The following FAM47E variants were observed in gnomAD, a reference collection of about 807,000 sequenced individuals.
FAM47E encodes the protein protein FAM47E.
FAM47E carries 32 observed loss-of-function variants against 41.6 expected under a neutral mutation model. That is an observed-to-expected ratio of 0.77 (90% CI 0.58 to 1.03). FAM47E has a LOEUF of 1.03. Ranked by LOEUF, FAM47E falls within the 50% of genes least tolerant of loss-of-function variation. The pLI is 0.00. For missense variants in FAM47E, 424 were observed against 485.4 expected, an observed-to-expected ratio of 0.87 and a Z score of 1.19; for synonymous variants, 184 against 188.7, an observed-to-expected ratio of 0.98 and a Z score of 0.20.
chr4:76,234,100 G>A (rs1178249756), intron 2 of FAM47E, among the ~76,000 whole-genome samples: 1 of 152,186 alleles, frequency 6.6e-6, no homozygotes, highest in Non-Finnish European at 1.5e-5. Context: ...GCGGCACCTT[G>A]GGCCATGTGT....
At chr4:76,273,708 T>A (rs1230825092) in intron 5 of FAM47E, among the ~76,000 whole-genome samples, 1 of 152,116 alleles carries the variant, frequency 6.6e-6, no homozygotes, top group Non-Finnish European at 1.5e-5. Flanking sequence ...TTCAAACTTT[T>A]TTTTTGTTGT....
intron 2 of FAM47E, among the ~76,000 whole-genome samples, chr4:76,222,153 ACT>A (rs1733320488): frequency 1.3e-5 from 2 of 152,148 alleles, no homozygotes; most frequent in African/African-American, 4.8e-5. Flanking sequence ...GGTACAAAAT[ACT>A]ACTTTTAAAT....
chr4:76,254,585 A>G (rs2110003329), intron 1 of FAM47E, among the ~76,000 whole-genome samples: 1 of 152,278 alleles, frequency 6.6e-6, no homozygotes, highest in East Asian at 1.9e-4. Flanking sequence ...TCTATGCAAC[A>G]AGTAAGAAGT....
chr4:76,243,509 T>C (rs1034850394), intron 2 of FAM47E, among the ~76,000 whole-genome samples: 5 of 152,212 alleles, frequency 3.3e-5, no homozygotes, highest in African/African-American at 1.2e-4. Context: ...ATTCTTTGAA[T>C]TGTATCTCAT....
In FAM47E at chr4:76,256,222, T is replaced by C; in HGVS notation, c.119T>C (p.Leu40Pro). 1 of 1,551,710 alleles carries C rather than the reference T, an allele frequency of 6.4e-7. No individual in the cohort carries two copies. Among genetic ancestry groups the C allele is most frequent in the Non-Finnish European group, 8.7e-7 (1 of 1,147,006 alleles). The change falls in exon 2 of 8, where the codon CTG becomes CCG. Residue 40 changes from leucine to proline, a missense_variant. By Grantham distance (98) the Leu-to-Pro change is moderately conservative (BLOSUM62 -3). Transcript: ENST00000424749. ...HKNGLKFPTS[L>P]HSRQLVFPRK... ...AACGGGCTGAAGTTCCCCACCTCTC[T>C]GCACAGCCGGCAGTTGGTATTTCCA...
Position 76,271,697 on chromosome 4 carries a change from G to C in FAM47E, c.799G>C (p.Gly267Arg). The change falls in exon 5 of 8, where the codon GGG (glycine) becomes CGG (arginine). Residue 267 changes from glycine to arginine, a missense_variant. Transcript: ENST00000424749. The part of the protein sequence containing the change: ...QVPLELKRSV[G>R]LSKLQETEFF... ...TCCTCTGGAGCTAAAGCGTAGTGTG[G>C]GGCTCAGTAAACTGCAGGAGACAGA... 2 of 1,551,824 alleles carry C rather than the reference G, an allele frequency of 1.3e-6. No homozygotes were observed. Among genetic ancestry groups the C allele is most frequent in the Non-Finnish European group, 1.7e-6 (2 of 1,147,010 alleles).
chr4:76,243,602 C>A (rs976355850), intron 2 of FAM47E, among the ~76,000 whole-genome samples: 3 of 152,204 alleles, frequency 2.0e-5, no homozygotes, highest in Non-Finnish European at 2.9e-5. Context: ...TCATGGCACT[C>A]CACTATCAAT....
intron 2 of FAM47E, among the ~76,000 whole-genome samples, chr4:76,244,204 G>A (rs1019870886): frequency 1.9e-4 from 29 of 152,072 alleles, no homozygotes; most frequent in African/African-American, 6.3e-4. Context: ...ATAAACATAC[G>A]TGTGCATGTG....
intron 2 of FAM47E, among the ~76,000 whole-genome samples, chr4:76,262,101 T>C (rs1734442625): frequency 6.6e-6 from 1 of 152,126 alleles, no homozygotes; most frequent in South Asian, 2.1e-4. Context: ...GGAATGGATT[T>C]CCCTATACCC....
chr4:76,251,838 G>A lies in FAM47E; in HGVS notation c.74+18G>A, dbSNP rs1418044050. On this transcript the variant is annotated intron_variant, in intron 1 of 7. Transcript: ENST00000424749. The stretch of plus-strand genomic sequence containing the variant: ...AGGTCCAGGTAAACACTCAGCGCCC[G>A]GGCCGAGGGCGCATCCCACGCGGGC... 1 of 1,409,422 alleles carries A rather than the reference G, an allele frequency of 7.1e-7. No individual in the cohort carries two copies. The highest frequency in any genetic ancestry group is 3.1e-5 in the Admixed American group (1 of 32,060). 87.3% of individuals were successfully genotyped at this position (1,409,422 alleles called of 1,614,324 possible).
rs1408208179 is a variant in FAM47E at position 76,280,330 on chromosome 4, A to G, written c.1093A>G (p.Arg365Gly). 11 of 1,546,198 alleles carry G rather than the reference A, an allele frequency of 7.1e-6. No individual in the cohort carries two copies. The highest frequency in any genetic ancestry group is 8.8e-6 in the Non-Finnish European group (10 of 1,142,322). Residue 365 changes from arginine to glycine, a missense_variant, in exon 7 of 8, where the codon AGG becomes GGG. By Grantham distance (125) the Arg-to-Gly change is moderately radical (BLOSUM62 -2). Coordinates refer to ENST00000424749, the MANE Select transcript of FAM47E (RefSeq NM_001136570.3). ...GGATTTCATTCTAAGCAGGGGCTACAGGACGCCACGTGTGAGTAAAGGGTC... is the reference window on the plus strand; with the variant it reads ...GGATTTCATTCTAAGCAGGGGCTACGGGACGCCACGTGTGAGTAAAGGGTC... ...FKDFILSRGY[R>G]TPRFLENMYI...
At chr4:76,237,342 G>A (rs1263354811) in intron 2 of FAM47E, among the ~76,000 whole-genome samples, 1 of 138,708 alleles carries the variant, frequency 7.2e-6, no homozygotes, top group Admixed American at 7.7e-5. Flanking sequence ...ATGGTTGAGG[G>A]GCCTTAGAGT....
chr4:76,218,943 A>G (rs555578383), intron 2 of FAM47E, among the ~76,000 whole-genome samples: 45 of 152,310 alleles, frequency 3.0e-4, no homozygotes, highest in African/African-American at 1.0e-3. Flanking sequence ...ACAATGCCCT[A>G]TGATGTAGAC....
At chr4:76,245,634 G>A (rs1159981898) in intron 2 of FAM47E, among the ~76,000 whole-genome samples, 1 of 152,146 alleles carries the variant, frequency 6.6e-6, no homozygotes, top group Non-Finnish European at 1.5e-5. Context: ...TCAGCCAGCA[G>A]ATACCATATA....
chr4:76,264,958 G>A (rs562171350), intron 3 of FAM47E, among the ~76,000 whole-genome samples: 2 of 152,322 alleles, frequency 1.3e-5, no homozygotes, highest in South Asian at 2.1e-4. Context: ...GTGAACTAGA[G>A]AGTAGCCTAT....
chr4:76,255,633 T>G (rs80276579), intron 1 of FAM47E, among the ~76,000 whole-genome samples: 2,124 of 152,234 alleles, frequency 0.014, 54 homozygotes, highest in African/African-American at 0.046. Context: ...ACTCTGTCCC[T>G]TTTAGTGAAG....
rs772796101 is a variant in FAM47E at position 76,278,140 on chromosome 4, GC to G, written c.943del (p.Gln315LysfsTer3). ...ATTTGAACCCCAAGTTGTGGAAAAA[GC>G]AAAGAGTAGACGAGCCTCTGGTTGA... is the stretch of plus-strand genomic sequence containing the variant. ...WYLNPKLWKK[Q>X]RVDEPLVDPE... On this transcript the variant is annotated frameshift_variant, in exon 6 of 8. Transcript: ENST00000424749. LOFTEE classifies it high-confidence loss of function. 1.7e-5 allele frequency: 26 copies of G among 1,550,746 alleles called. No individual in the cohort carries two copies. The Middle Eastern group carries it at 8.3e-4, about 50-fold the overall frequency.
At position 76,240,335 on chromosome 4, in the gene FAM47E, C is replaced by T. The variant is rs72858567; in HGVS notation, c.81+22647C>T. Among the ~76,000 whole-genome samples the T allele has an allele frequency of 9.5e-3, 1,450 of 152,222 alleles. 25 individuals are homozygous for T. The highest frequency in any genetic ancestry group is 0.033 in the African/African-American group (1,375 of 41,534). ...TTGCGGCTTTCAAAATTTTCTGTCT[C>T]CAGCTTTTAATAGTTTGATGGTAAT... On this transcript the variant is annotated intron_variant, in intron 2 of 7. Coordinates refer to the FAM47E transcript ENST00000510197.
intron 2 of FAM47E, among the ~76,000 whole-genome samples, chr4:76,246,413 T>C (rs1237967688): frequency 6.6e-6 from 1 of 152,068 alleles, no homozygotes; most frequent in Non-Finnish European, 1.5e-5. Context: ...ATAAGGAATG[T>C]TTAGGGGAAA....
Sources: gnomAD v4.1 joint callset for allele counts (sites outside exome capture counted in the v4.1 genomes callset) on GRCh38, gnomAD v4.1.1 for gene constraint, MANE v1.5 for transcripts, NCBI Gene and HGNC (gene_info 2026-07-23, HGNC 2026-07-21) for gene names.